The following RBFOX1 variants were observed in gnomAD, a reference collection of about 807,000 sequenced individuals.
RBFOX1 encodes the protein RNA binding protein fox-1 homolog 1.
Under a neutral mutation model 57.7 loss-of-function variants are expected in RBFOX1, and 8 were observed. The observed-to-expected ratio is 0.14, with a 90% CI of 0.08 to 0.25. RBFOX1 has a LOEUF of 0.25. Ranked by LOEUF, RBFOX1 falls within the 10% of genes least tolerant of loss-of-function variation. The probability of loss-of-function intolerance (pLI) is 1.00; values close to 1 mark genes in which losing one functional copy is unlikely to be tolerated. For missense variants in RBFOX1, 611 were observed against 548.5 expected (o/e 1.11, Z -1.14); for synonymous variants, 326 against 222.4 (o/e 1.47, Z -4.15).
intron 3 of RBFOX1, among the ~76,000 whole-genome samples, chr16:6,806,890 A>G (rs2086969982): frequency 7.1e-6 from 1 of 140,270 alleles, no homozygotes; most frequent in Admixed American, 7.8e-5. Flanking sequence ...CTGGAGTGCA[A>G]TAGCATGATC....
At chr16:6,978,500 C>T (rs1296130726) in intron 3 of RBFOX1, among the ~76,000 whole-genome samples, 1 of 152,128 alleles carries the variant, frequency 6.6e-6, no homozygotes, top group Admixed American at 6.5e-5. Context: ...TTATTATCTC[C>T]ATTTTACAGA....
In RBFOX1 at chr16:7,341,210, C is replaced by G. The variant is rs1156544408; in HGVS notation, c.28-176937C>G. Among the ~76,000 whole-genome samples, 4 of 152,124 alleles carry G rather than the reference C, an allele frequency of 2.6e-5. No homozygotes were observed. In the East Asian group the frequency reaches 7.7e-4, roughly 29 times the overall value. The stretch of plus-strand genomic sequence containing the variant: ...CATGTTCACTTGATTCACTGCTGAG[C>G]CCTAAGAGATGCCCAGAAACATTGA... On this transcript the variant is annotated intron_variant, in intron 4 of 15. Coordinates refer to ENST00000550418, the MANE Select transcript of RBFOX1 (RefSeq NM_018723.4).
chr16:6,156,346 C>A (rs548182793), intron 1 of RBFOX1, among the ~76,000 whole-genome samples: 2 of 152,336 alleles, frequency 1.3e-5, no homozygotes, highest in Non-Finnish European at 1.5e-5. Flanking sequence ...GGGGCCTTTT[C>A]TAGCCCCACC....
intron 9 of RBFOX1, among the ~76,000 whole-genome samples, chr16:7,604,146 GTAGA>G (rs2095182543): frequency 6.6e-6 from 1 of 152,180 alleles, no homozygotes; most frequent in Non-Finnish European, 1.5e-5. Context: ...GAGCAACCAA[GTAGA>G]TAGATATGCC....
At chr16:6,837,610 C>G (rs941575065) in intron 3 of RBFOX1, among the ~76,000 whole-genome samples, 7 of 152,186 alleles carry the variant, frequency 4.6e-5, no homozygotes, top group Admixed American at 2.0e-4. Flanking sequence ...TTTGTGCAAT[C>G]TTGGGCAAGT....
At chr16:6,449,829 C>T (rs1333315383) in intron 2 of RBFOX1, among the ~76,000 whole-genome samples, 1 of 152,180 alleles carries the variant, frequency 6.6e-6, no homozygotes, top group Non-Finnish European at 1.5e-5. Context: ...GGCATGGCCC[C>T]ACTGCCCCCT....
intron 3 of RBFOX1, among the ~76,000 whole-genome samples, chr16:6,929,578 G>C (rs936309088): frequency 2.0e-5 from 3 of 151,976 alleles, no homozygotes; most frequent in African/African-American, 7.3e-5. Context: ...GTCTGCATGG[G>C]GCCGGGGAAA....
chr16:6,452,946 C>CA (rs2094669605), intron 2 of RBFOX1, among the ~76,000 whole-genome samples: 1 of 152,160 alleles, frequency 6.6e-6, no homozygotes. Context: ...TCCTGTTCTC[C>CA]ATGCTTAGTA....
chr16:7,169,848 A>T (rs563778947), intron 4 of RBFOX1, among the ~76,000 whole-genome samples: 1 of 151,956 alleles, frequency 6.6e-6, no homozygotes, highest in Non-Finnish European at 1.5e-5. Context: ...AAGCAGGCTG[A>T]TCGCTTGAGT....
intron 1 of RBFOX1, among the ~76,000 whole-genome samples, chr16:6,230,219 T>A (rs542405909): frequency 9.8e-5 from 15 of 152,302 alleles, no homozygotes; most frequent in Admixed American, 9.2e-4. Flanking sequence ...TGGAATGAGT[T>A]GATCTTTTAA....
At chr16:6,587,057 G>A (rs1260814387) in intron 2 of RBFOX1, among the ~76,000 whole-genome samples, 1 of 151,760 alleles carries the variant, frequency 6.6e-6, no homozygotes, top group Non-Finnish European at 1.5e-5. Context: ...TATTCCTTTA[G>A]CAATTTCCTA....
At chr16:7,487,783 C>A (rs529483208) in intron 4 of RBFOX1, among the ~76,000 whole-genome samples, 3 of 152,138 alleles carry the variant, frequency 2.0e-5, no homozygotes, top group Non-Finnish European at 4.4e-5. Context: ...CTTGGACAAC[C>A]TAAGAGCCTC....
chr16:6,065,135 C>T (rs539138092), intron 1 of RBFOX1, among the ~76,000 whole-genome samples: 3 of 151,830 alleles, frequency 2.0e-5, no homozygotes, highest in African/African-American at 7.3e-5. Context: ...TCAAGTGATC[C>T]TCCCACCTCA....
chr16:6,490,054 T>A (rs1182785880), intron 2 of RBFOX1, among the ~76,000 whole-genome samples: 1 of 152,188 alleles, frequency 6.6e-6, no homozygotes, highest in East Asian at 1.9e-4. Context: ...TGGATGTGAG[T>A]ACGTTGACTC....
intron 3 of RBFOX1, among the ~76,000 whole-genome samples, chr16:6,774,478 C>G (rs1029002976): frequency 1.3e-5 from 2 of 152,134 alleles, no homozygotes; most frequent in Admixed American, 6.5e-5. Context: ...TACCTTTTGT[C>G]TCTGCTACCA....
At chr16:6,486,616 C>T (rs1425461346) in intron 2 of RBFOX1, among the ~76,000 whole-genome samples, 1 of 144,848 alleles carries the variant, frequency 6.9e-6, no homozygotes, top group Non-Finnish European at 1.5e-5. Context: ...TTCTGACGAA[C>T]ATAAAAAGAA....
chr16:6,774,448 T>G (rs12149453), intron 3 of RBFOX1, among the ~76,000 whole-genome samples: 1 of 151,898 alleles, frequency 6.6e-6, no homozygotes, highest in Non-Finnish European at 1.5e-5. Flanking sequence ...CAGAAGCAAA[T>G]TAAATATCAA....
chr16:7,218,797 C>T (rs1314668325), intron 4 of RBFOX1, among the ~76,000 whole-genome samples: 2 of 151,704 alleles, frequency 1.3e-5, no homozygotes, highest in African/African-American at 2.4e-5. Flanking sequence ...CTGCACGATG[C>T]AATCAGGAAC....
At chr16:6,445,360 A>G (rs1477205076) in intron 2 of RBFOX1, among the ~76,000 whole-genome samples, 1 of 152,038 alleles carries the variant, frequency 6.6e-6, no homozygotes, top group Non-Finnish European at 1.5e-5. Context: ...TATCACAGGG[A>G]GACATCTGGT....
Sources: gnomAD v4.1 joint callset for allele counts (sites outside exome capture counted in the v4.1 genomes callset) on GRCh38, gnomAD v4.1.1 for gene constraint, MANE v1.5 for transcripts, NCBI Gene and HGNC (gene_info 2026-07-23, HGNC 2026-07-21) for gene names.